The following HERC2 variants were observed in gnomAD, a reference collection of about 807,000 sequenced individuals.
HERC2 encodes the protein HECT and RLD domain containing E3 ubiquitin protein ligase 2, also known as E3 ubiquitin-protein ligase HERC2.
HERC2 carries 102 observed loss-of-function variants against 537.7 expected under a neutral mutation model. That is an observed-to-expected ratio of 0.19 (90% CI 0.16 to 0.22). The LOEUF is 0.22. Ranked by LOEUF, HERC2 falls within the 10% of genes least tolerant of loss-of-function variation. HERC2 has a pLI of 1.00. For synonymous variants in HERC2, 2,224 were observed against 2,466.2 expected, an observed-to-expected ratio of 0.90 and a Z score of 2.91; for missense variants, 4,236 against 6,198.2, an observed-to-expected ratio of 0.68 and a Z score of 10.63.
intron 70 of HERC2, among the ~76,000 whole-genome samples, chr15:28,147,671 A>G (rs1001403359): frequency 6.6e-6 from 1 of 152,086 alleles, no homozygotes; most frequent in African/African-American, 2.4e-5. Flanking sequence ...GTTGAAGAAA[A>G]ATGATTTCAC....
At chr15:28,291,308 G>T (rs1033447371) in intron 4 of HERC2, among the ~76,000 whole-genome samples, 2 of 151,974 alleles carry the variant, frequency 1.3e-5, no homozygotes, top group South Asian at 2.1e-4. Context: ...CACTGCAGCC[G>T]CAAACTGCTG....
intron 4 of HERC2, among the ~76,000 whole-genome samples, chr15:28,284,804 A>T (rs2076110197): frequency 6.6e-6 from 1 of 151,300 alleles, no homozygotes; most frequent in Non-Finnish European, 1.5e-5. Context: ...AATCCCAGCT[A>T]CTCAGGAGGC....
chr15:28,112,070 A>G (rs199815300), intron 92 of HERC2, 35 bp from the exon 93 acceptor site: 3 of 1,604,078 alleles, frequency 1.9e-6, no homozygotes, highest in Non-Finnish European at 2.6e-6. Flanking sequence ...TTAGAAATTG[A>G]GTACGGCTGC....
At chr15:28,205,224 T>C (rs1395820107) in intron 45 of HERC2, among the ~76,000 whole-genome samples, 1 of 149,766 alleles carries the variant, frequency 6.7e-6, no homozygotes, top group African/African-American at 2.5e-5. Context: ...TCCTTCTCAG[T>C]TCCTGAAGGA....
rs750058947 is a variant in HERC2, at chr15:28,141,497, T to G, written c.11950A>C (p.Thr3984Pro). 6.2e-7 allele frequency: 1 copy of G among 1,613,902 alleles called. No homozygotes were observed. Among genetic ancestry groups the G allele is most frequent in the African/African-American group, 1.3e-5 (1 of 74,862 alleles). The change falls in exon 78 of 93, where the codon ACT becomes CCT. Residue 3984 changes from threonine (T) to proline (P), a missense_variant. Physicochemically the swap from Thr to Pro is conservative, Grantham distance 38. Around this residue, in one of 27 missense-constraint regions of HERC2, gnomAD observed 156 missense variants for 172.3 expected, o/e 0.91. Transcript: ENST00000261609. The stretch of plus-strand genomic sequence containing the variant: ...CCGATTAACTGCACGGGTCTGAGAG[T>G]TGCAAGGGCTTCACAGGGAGTGGGA... ...KVPTPCEALA[T>P]LRPVQLIGGE... is the part of the protein sequence containing the mutation.
intron 49 of HERC2, 48 bp from the exon 50 acceptor site, chr15:28,198,551 A>G: frequency 6.2e-7 from 1 of 1,609,328 alleles, no homozygotes; most frequent in Non-Finnish European, 8.5e-7. Flanking sequence ...CATTTAAGGG[A>G]ATTTTGTCTC....
At position 28,132,281 on chromosome 15, in the gene HERC2, G is replaced by C. The variant is rs1890189489; in HGVS notation, c.12409-20C>G. The C allele has an allele frequency of 1.9e-6, 3 of 1,592,480 alleles. 1 individual carries two copies. In the South Asian group the frequency reaches 3.4e-5, roughly 18 times the overall value. Reference sequence around the variant, plus strand: ...CTCCACCTTCAGAGAAAAGGGACTTGGGTTGGCCAAGCACAACACAAGAAG... The same window carrying C: ...CTCCACCTTCAGAGAAAAGGGACTTCGGTTGGCCAAGCACAACACAAGAAG... On this transcript the variant is annotated intron_variant, in intron 80 of 92. Transcript: ENST00000261609.
rs1405435917 is a variant in HERC2, at chr15:28,167,800, G to A, written c.10441C>T (p.Pro3481Ser). ...EIVSSEDAVT[P>S]SAVTPSAPSA... ...GGGGCCGACGGAGTCACTGCAGAGG[G>A]GGTCACTGCGTCCTCAGAGGAAACA... Residue 3481 changes from proline to serine, a missense_variant, in exon 68 of 93, where the codon CCC becomes TCC. By Grantham distance (74) the Pro-to-Ser change is moderately conservative. Around this residue, in one of 27 missense-constraint regions of HERC2, gnomAD observed 356 missense variants for 450.9 expected, o/e 0.79. Coordinates refer to ENST00000261609, the MANE Select transcript of HERC2 (RefSeq NM_004667.6). The A allele has an allele frequency of 6.2e-7, 1 of 1,613,580 alleles. No individual in the cohort carries two copies. The highest frequency in any genetic ancestry group is 2.2e-5 in the East Asian group (1 of 44,886).
At chr15:28,301,287 C>T (rs1029766181) in intron 2 of HERC2, among the ~76,000 whole-genome samples, 1 of 151,956 alleles carries the variant, frequency 6.6e-6, no homozygotes, top group Non-Finnish European at 1.5e-5. Flanking sequence ...TGGTGGCAGG[C>T]GCCCATAATC....
At position 28,238,554 on chromosome 15, in the gene HERC2, T is replaced by C. The variant is rs374187522; in HGVS notation, c.3748+48A>G. 2.9e-5 allele frequency: 43 copies of C among 1,473,246 alleles called. No individual in the cohort carries two copies. The African/African-American group carries it at 5.7e-4, about 20-fold the overall frequency. 91.3% of individuals were successfully genotyped at this position (1,473,246 alleles called of 1,614,324 possible). On this transcript the variant is annotated intron_variant, in intron 24 of 92. Transcript: ENST00000261609. Reference sequence around the variant, plus strand: ...TATAAGCCAAATACTCTGCTTAAAATGATATAGGTTGTAACTTTTAACCAG... The same window carrying C: ...TATAAGCCAAATACTCTGCTTAAAACGATATAGGTTGTAACTTTTAACCAG...
intron 70 of HERC2, among the ~76,000 whole-genome samples, chr15:28,150,530 C>T (rs1356537494): frequency 6.9e-6 from 1 of 145,868 alleles, no homozygotes; most frequent in Admixed American, 7.0e-5. Flanking sequence ...GCCACATGAA[C>T]GTATACTCTA....
intron 2 of HERC2, among the ~76,000 whole-genome samples, chr15:28,319,144 CTTGTGT>C (rs2077167296): frequency 6.6e-6 from 1 of 152,116 alleles, no homozygotes; most frequent in African/African-American, 2.4e-5. Flanking sequence ...CCATTCATTC[CTTGTGT>C]TTAACAACCA....
Position 28,307,253 on chromosome 15 carries a change from A to G in HERC2, c.73-7737T>C, listed in dbSNP as rs1427932854. 9.8e-5 allele frequency among the ~76,000 whole-genome samples: 15 copies of G among 152,310 alleles called. No homozygotes were observed. In the East Asian group the frequency reaches 2.7e-3, roughly 27 times the overall value. On this transcript the variant is annotated intron_variant, in intron 2 of 92. Transcript: ENST00000261609. ...TGTAATGCCTACTTTTTCACCTCTGATTTGGGTCTTCTTTTTCTCTTAGCC... is the reference window on the plus strand; with the variant it reads ...TGTAATGCCTACTTTTTCACCTCTGGTTTGGGTCTTCTTTTTCTCTTAGCC...
intron 23 of HERC2, among the ~76,000 whole-genome samples, chr15:28,242,481 G>A (rs1027231082): frequency 2.6e-5 from 4 of 152,140 alleles, no homozygotes; most frequent in East Asian, 1.9e-4. Flanking sequence ...GGAAACTAAC[G>A]GGTTGCATGG....
chr15:28,209,339 ATTT>A (rs1898850272), intron 44 of HERC2, among the ~76,000 whole-genome samples: 1 of 151,926 alleles, frequency 6.6e-6, no homozygotes, highest in African/African-American at 2.4e-5. Flanking sequence ...CATTTATTTT[ATTT>A]TTATTTATTT....
rs778003077 is a variant in HERC2 at position 28,270,785 on chromosome 15, C to T, written c.1167G>A (p.Leu389=). The T allele has an allele frequency of 5.6e-6, 9 of 1,613,938 alleles. No individual in the cohort carries two copies. In the Admixed American group the frequency reaches 1.5e-4, roughly 27 times the overall value. The stretch of plus-strand genomic sequence containing the variant: ...CCATGACAACAACCGCCGTTTGTCG[C>T]AGATCAATGGCAAGCTCGTTGTCTT... ...LPQDNELAID[L]RQTAVVVMAH... Residue 389 remains leucine (L), a synonymous_variant, in exon 10 of 93, where the codon CTG becomes CTA. Transcript: ENST00000261609.
chr15:28,273,935 A>G (rs904480150), intron 7 of HERC2, among the ~76,000 whole-genome samples: 5 of 152,182 alleles, frequency 3.3e-5, no homozygotes, highest in Admixed American at 1.3e-4. Context: ...CACATTATCT[A>G]TAAGACTTCA....
intron 35 of HERC2, among the ~76,000 whole-genome samples, chr15:28,222,838 A>G (rs780188764): frequency 1.3e-5 from 2 of 152,126 alleles, no homozygotes. Flanking sequence ...GATCAGCCCT[A>G]ATGGAAACCC....
intron 68 of HERC2, among the ~76,000 whole-genome samples, chr15:28,164,539 T>G: frequency 6.6e-6 from 1 of 151,624 alleles, no homozygotes; most frequent in South Asian, 2.1e-4. Context: ...TACCTACCAT[T>G]TTTTTTTATG....
Sources: allele counts gnomAD v4.1 joint callset (sites outside exome capture counted in the v4.1 genomes callset), GRCh38; gene constraint gnomAD v4.1.1; regional missense constraint gnomAD v4.1.1; transcripts MANE v1.5; gene names NCBI Gene and HGNC (gene_info 2026-07-23, HGNC 2026-07-21).